PRKG2: variants seen among roughly 807,000 people sequenced by gnomAD.
The protein encoded by PRKG2 is protein kinase cGMP-dependent 2.
Under a neutral mutation model 97.2 loss-of-function variants are expected in PRKG2, and 33 were observed. The observed-to-expected ratio is 0.34, with a 90% confidence interval of 0.26 to 0.45. The LOEUF is 0.45. Ranked by LOEUF, PRKG2 falls within the 20% of genes least tolerant of loss-of-function variation. The pLI is 1.00. For missense variants in PRKG2, 638 were observed against 900.0 expected, an observed-to-expected ratio of 0.71 and a Z score of 3.73; for synonymous variants, 330 against 321.8, an observed-to-expected ratio of 1.03 and a Z score of -0.27.
intron 17 of PRKG2, among the ~76,000 whole-genome samples, chr4:81,095,386 T>C (rs1742017332): frequency 6.6e-6 from 1 of 152,194 alleles, no homozygotes; most frequent in South Asian, 2.1e-4. Context: ...CCTCCACTTT[T>C]AGGGATTTCT....
At chr4:81,154,508 C>G (rs59775078) in intron 6 of PRKG2, among the ~76,000 whole-genome samples, 35,128 of 133,398 alleles carry the variant, frequency 0.26, 6,255 homozygotes, top group East Asian at 0.51. Flanking sequence ...AGCAGGGGCA[C>G]ACTGACACCT....
chr4:81,103,773 C>T (rs1743046960), intron 17 of PRKG2, among the ~76,000 whole-genome samples: 1 of 152,128 alleles, frequency 6.6e-6, no homozygotes, highest in Non-Finnish European at 1.5e-5. Context: ...TGGCTTGTGC[C>T]TATAATCCCA....
At chr4:81,203,957 T>C (rs1282558212) in intron 2 of PRKG2, among the ~76,000 whole-genome samples, 2 of 152,208 alleles carry the variant, frequency 1.3e-5, no homozygotes, top group Non-Finnish European at 2.9e-5. Flanking sequence ...TCACTCCAGA[T>C]ACCACCTGCT....
rs1008642934 is a variant in PRKG2 at position 81,209,389 on chromosome 4, T to C, written c.-13-4329A>G. ...ATACACAGACAAACACACACACACA[T>C]ATATAGATGTGTGTGTATAGCTACA... On this transcript the variant is annotated intron_variant, in intron 1 of 18. Coordinates refer to ENST00000264399, the MANE Select transcript of PRKG2 (RefSeq NM_006259.3). Among the ~76,000 whole-genome samples, 8 of 152,048 alleles carry C rather than the reference T, an allele frequency of 5.3e-5. No individual in the cohort carries two copies. The East Asian group carries it at 5.8e-4, about 11-fold the overall frequency.
intron 6 of PRKG2, among the ~76,000 whole-genome samples, chr4:81,155,005 T>A (rs1449734307): frequency 6.6e-6 from 1 of 151,210 alleles, no homozygotes; most frequent in South Asian, 2.1e-4. Context: ...AAACCCCGTC[T>A]CTACTAAAAA....
At chr4:81,156,942 A>G (rs1237943998) in intron 6 of PRKG2, among the ~76,000 whole-genome samples, 2 of 152,222 alleles carry the variant, frequency 1.3e-5, no homozygotes, top group African/African-American at 4.8e-5. Context: ...GTGTAGAGGG[A>G]AATTTATAGC....
Position 81,144,347 on chromosome 4 carries a change from A to G in PRKG2, c.1155-17T>C. ...TTGAATGTTCTAAATAGATAGAATAAAGTAAAATGCTCCGTGCTGATAGTT... is the reference window on the plus strand; with the variant it reads ...TTGAATGTTCTAAATAGATAGAATAGAGTAAAATGCTCCGTGCTGATAGTT... On this transcript the variant is annotated splice_polypyrimidine_tract_variant and intron_variant, in intron 9 of 18. Transcript: ENST00000264399. 1 of 1,577,018 alleles carries G rather than the reference A, an allele frequency of 6.3e-7. No homozygotes were observed.
chr4:81,090,499 T>C (rs1741432495), intron 18 of PRKG2, among the ~76,000 whole-genome samples: 1 of 152,196 alleles, frequency 6.6e-6, no homozygotes, highest in South Asian at 2.1e-4. Flanking sequence ...AATTGATCCA[T>C]ATAAAGTATT....
At chr4:81,147,097 C>T (rs780756862) in intron 9 of PRKG2, among the ~76,000 whole-genome samples, 2 of 152,128 alleles carry the variant, frequency 1.3e-5, no homozygotes, top group Non-Finnish European at 2.9e-5. Flanking sequence ...AAATTATACA[C>T]ACATGAACTA....
intron 8 of PRKG2, among the ~76,000 whole-genome samples, chr4:81,149,742 C>G (rs142992523): frequency 6.6e-6 from 1 of 152,288 alleles, no homozygotes; most frequent in Non-Finnish European, 1.5e-5. Context: ...ATCCACAAGG[C>G]ACCCAGTGCT....
At chr4:81,179,111 T>TGA (rs1273076279) in intron 2 of PRKG2, among the ~76,000 whole-genome samples, 1 of 148,774 alleles carries the variant, frequency 6.7e-6, no homozygotes, top group Non-Finnish European at 1.5e-5. Flanking sequence ...GGCAGCAGAG[T>TGA]GAGACTCTGT....
intron 2 of PRKG2, among the ~76,000 whole-genome samples, chr4:81,189,772 A>G (rs1202951911): frequency 6.6e-6 from 1 of 150,826 alleles, no homozygotes; most frequent in Admixed American, 6.6e-5. Flanking sequence ...AAGAATAATA[A>G]TAAAAAGAAA....
intron 7 of PRKG2, 53 bp from the exon 8 acceptor site, chr4:81,152,107 C>G (rs887010452): frequency 1.5e-6 from 2 of 1,354,560 alleles, no homozygotes; most frequent in African/African-American, 1.5e-5. Context: ...AAAGGAGAAT[C>G]TGAACACACA....
At chr4:81,097,680 G>A (rs1310332012) in intron 17 of PRKG2, among the ~76,000 whole-genome samples, 1 of 152,120 alleles carries the variant, frequency 6.6e-6, no homozygotes, top group African/African-American at 2.4e-5. Context: ...GAATCTTCTG[G>A]ATAACTTGCT....
rs1350396151 is a variant in PRKG2, at chr4:81,087,674, A to G, written c.*2034T>C. 1.3e-5 allele frequency: 2 copies of G among 152,132 alleles called. No homozygotes were observed. The highest frequency in any genetic ancestry group is 6.5e-5 in the Admixed American group (1 of 15,278). The allele number at this position is 152,132 out of a possible 1,614,324, so 9.4% of individuals were successfully genotyped here. Reference sequence around the variant, plus strand: ...GAATGAGAAAGCTAGTACTCAAAAAAGCTAAATCACTTTCCCAGAGTCACT... The same window carrying G: ...GAATGAGAAAGCTAGTACTCAAAAAGGCTAAATCACTTTCCCAGAGTCACT... On this transcript the variant is annotated 3_prime_UTR_variant, in exon 19 of 19. Transcript: ENST00000264399.
Position 81,142,801 on chromosome 4 carries a change from A to G in PRKG2, c.1400T>C (p.Val467Ala). 3.2e-6 allele frequency: 5 copies of G among 1,581,662 alleles called. No homozygotes were observed. The highest frequency in any genetic ancestry group is 4.3e-6 in the Non-Finnish European group (5 of 1,159,838). Residue 467 changes from valine to alanine, a missense_variant, in exon 11 of 19, where the codon GTT becomes GCT. Val to Ala is a moderately conservative substitution (Grantham distance 64). Around this residue, in one of 3 missense-constraint regions of PRKG2, gnomAD observed 304 missense variants for 460.5 expected, o/e 0.66. Coordinates refer to ENST00000264399, the MANE Select transcript of PRKG2 (RefSeq NM_006259.3). ...ATLGVGGFGR[V>A]ELVKVKNENV... ...GAAACGTAAACCCCTTACAAGCTCA[A>G]CTCTTCCGAACCCACCAACGCCCAG... is the stretch of plus-strand genomic sequence containing the variant.
intron 2 of PRKG2, among the ~76,000 whole-genome samples, chr4:81,187,610 G>C (rs1029239629): frequency 6.6e-6 from 1 of 152,038 alleles, no homozygotes; most frequent in African/African-American, 2.4e-5. Flanking sequence ...GGAAGTTCTG[G>C]CCAGGGCAAT....
chr4:81,143,820 G>T (rs1243248330), intron 10 of PRKG2, among the ~76,000 whole-genome samples: 1 of 152,064 alleles, frequency 6.6e-6, no homozygotes, highest in Non-Finnish European at 1.5e-5. Context: ...TACATTTAGA[G>T]ACCTACCCAA....
At chr4:81,102,323 T>C (rs769954127) in intron 17 of PRKG2, among the ~76,000 whole-genome samples, 7 of 152,198 alleles carry the variant, frequency 4.6e-5, no homozygotes, top group Admixed American at 2.0e-4. Context: ...TGTTAACAGA[T>C]ATATCACTTC....
Sources: allele counts gnomAD v4.1 joint callset (sites outside exome capture counted in the v4.1 genomes callset), GRCh38; gene constraint gnomAD v4.1.1; regional missense constraint gnomAD v4.1.1; transcripts MANE v1.5; gene names NCBI Gene and HGNC (gene_info 2026-07-23, HGNC 2026-07-21).